PDGFRB: variants seen among roughly 807,000 people sequenced by gnomAD.
The protein encoded by PDGFRB is platelet-derived growth factor receptor beta.
PDGFRB carries 42 observed loss-of-function variants against 120.2 expected under a neutral mutation model. The observed-to-expected ratio is 0.35, with a 90% CI of 0.27 to 0.45. The LOEUF (loss-of-function observed/expected upper bound fraction) is 0.45, where lower values mean the gene tolerates loss of function less well. Ranked by LOEUF, PDGFRB falls within the 20% of genes least tolerant of loss-of-function variation. The pLI is 1.00. For synonymous variants in PDGFRB, 586 were observed against 606.8 expected (o/e 0.97, Z 0.50); for missense variants, 1,149 against 1,476.3 (o/e 0.78, Z 3.63).
chr5:150,130,652 T>C lies in PDGFRB; in HGVS notation c.1254A>G (p.Arg418=). Residue 418 remains arginine (R), a synonymous_variant, in exon 9 of 23, where the codon CGA becomes CGG. Coordinates refer to ENST00000261799, the MANE Select transcript of PDGFRB (RefSeq NM_002609.4). The stretch of plus-strand genomic sequence containing the variant: ...GGTGGCTCTCACTTAGCTCCAGCAC[T>C]CGGACAGGGACTGCATGGAGAGAGC... ...SFQLQINVPV[R]VLELSESHPD... 6.2e-7 allele frequency: 1 copy of C among 1,613,142 alleles called. No individual in the cohort carries two copies. Among genetic ancestry groups the C allele is most frequent in the Non-Finnish European group, 8.5e-7 (1 of 1,179,826 alleles).
At position 150,149,002 on chromosome 5, in the gene PDGFRB, G is replaced by T. The variant is rs3776080; in HGVS notation, c.-7+6395C>A. 1.6e-3 allele frequency among the ~76,000 whole-genome samples: 248 copies of T among 152,286 alleles called. 5 individuals carry two copies. In the East Asian group the frequency reaches 0.041, roughly 25 times the overall value. The stretch of plus-strand genomic sequence containing the variant: ...ATGGCCTGGGAAGGAGGCAGCAGGA[G>T]GCCAGGGAAGGAGGCAGGGAGACTT... On this transcript the variant is annotated intron_variant, in intron 1 of 22. Transcript: ENST00000261799.
rs779431081 is a variant in PDGFRB, at chr5:150,124,253, C to T, written c.2020G>A (p.Gly674Arg). ...TCTGGGGCAGTGGGCTCGGTACCTC[C>T]TTTGGTGCAGGCCCCCAACAGGTTG... ...VVNLLGACTK[G>R]GPIYIITEYC... The change falls in exon 14 of 23, where the codon GGA (glycine) becomes AGA (arginine). Residue 674 changes from glycine (G) to arginine (R), a missense_variant. Gly to Arg is a moderately radical substitution (Grantham distance 125, BLOSUM62 -2). Transcript: ENST00000261799. 1.2e-6 allele frequency: 2 copies of T among 1,610,954 alleles called. No homozygotes were observed. Among genetic ancestry groups the T allele is most frequent in the Non-Finnish European group, 1.7e-6 (2 of 1,177,312 alleles).
At chr5:150,152,695 C>T (rs924050828) in intron 1 of PDGFRB, among the ~76,000 whole-genome samples, 6 of 151,512 alleles carry the variant, frequency 4.0e-5, no homozygotes, top group Admixed American at 1.3e-4. Flanking sequence ...AGGATGGACA[C>T]GGATCTTTGG....
intron 1 of PDGFRB, among the ~76,000 whole-genome samples, chr5:150,143,250 T>C (rs1760829683): frequency 6.6e-6 from 1 of 152,262 alleles, no homozygotes; most frequent in Admixed American, 6.5e-5. Flanking sequence ...ACAGTTGATC[T>C]GGGGTAACTG....
At chr5:150,152,404 A>G (rs1342547995) in intron 1 of PDGFRB, among the ~76,000 whole-genome samples, 1 of 152,138 alleles carries the variant, frequency 6.6e-6, no homozygotes, top group Admixed American at 6.5e-5. Context: ...GAGGTGCTAC[A>G]AGCCCTGACC....
chr5:150,144,427 C>G (rs991751390), intron 1 of PDGFRB, among the ~76,000 whole-genome samples: 1 of 152,198 alleles, frequency 6.6e-6, no homozygotes, highest in Non-Finnish European at 1.5e-5. Flanking sequence ...ACTCGTCACT[C>G]ACTGCATGCT....
At chr5:150,122,994 G>A (rs753946328) in intron 15 of PDGFRB, 48 bp downstream of exon 15, 3 of 1,541,170 alleles carry the variant, frequency 1.9e-6, no homozygotes, top group Admixed American at 1.7e-5. Flanking sequence ...AAGGAGCGGT[G>A]CTCCTCAGGT....
intron 20 of PDGFRB, 82 bp downstream of exon 20, chr5:150,119,385 T>C: frequency 1.2e-6 from 1 of 808,166 alleles, no homozygotes; most frequent in South Asian, 1.4e-5. Flanking sequence ...AACAAATCTC[T>C]CATCTTTGGT....
chr5:150,117,495 C>A, intron 22 of PDGFRB, 123 bp downstream of exon 22: 2 of 618,720 alleles, frequency 3.2e-6, no homozygotes, highest in Non-Finnish European at 5.8e-6. Flanking sequence ...AAGTACTTAC[C>A]CTACGTAACT....
At position 150,124,877 on chromosome 5, in the gene PDGFRB, C is replaced by T. The variant is rs1442908716; in HGVS notation, c.1808-46G>A. The T allele has an allele frequency of 1.5e-5, 14 of 939,158 alleles. No homozygotes were observed. The South Asian group carries it at 2.0e-4, about 13-fold the overall frequency. 58.2% of individuals were successfully genotyped at this position (939,158 alleles called of 1,614,324 possible). Reference sequence around the variant, plus strand: ...TAGCTCCTGGCCTACCAGGAAGCTGCACCGCTCCCCCAGCTGCCCCCCTCC... The same window carrying T: ...TAGCTCCTGGCCTACCAGGAAGCTGTACCGCTCCCCCAGCTGCCCCCCTCC... On this transcript the variant is annotated intron_variant, in intron 12 of 22. Coordinates refer to ENST00000261799, the MANE Select transcript of PDGFRB (RefSeq NM_002609.4).
rs1760279169 is a variant in PDGFRB at position 150,125,837 on chromosome 5, G to A, written c.1675-260C>T. 5.9e-5 allele frequency among the ~76,000 whole-genome samples: 9 copies of A among 152,334 alleles called. No homozygotes were observed. The South Asian group carries it at 1.7e-3, about 28-fold the overall frequency. ...ACTGGCAGCTGAGGGCCTGGCTCATGAGAACCTCCTCTCTAGCTTCTCTCC... is the reference window on the plus strand; with the variant it reads ...ACTGGCAGCTGAGGGCCTGGCTCATAAGAACCTCCTCTCTAGCTTCTCTCC... On this transcript the variant is annotated intron_variant, in intron 11 of 22. Transcript: ENST00000261799.
chr5:150,122,275 T>A (rs1269454456), intron 15 of PDGFRB: 2 of 510,196 alleles, frequency 3.9e-6, no homozygotes, highest in Non-Finnish European at 7.1e-6. Context: ...CCAGAGGCGA[T>A]TACAGCACCC....
intron 20 of PDGFRB, 71 bp from the exon 21 acceptor site, chr5:150,118,923 G>A (rs755384587): frequency 4.5e-6 from 4 of 887,470 alleles, no homozygotes; most frequent in Non-Finnish European, 5.5e-6. Flanking sequence ...GGGGGAGCAG[G>A]AGGCTGCTGC....
At chr5:150,154,803 G>A (rs756292767) in intron 1 of PDGFRB, among the ~76,000 whole-genome samples, 1 of 152,196 alleles carries the variant, frequency 6.6e-6, no homozygotes, top group Non-Finnish European at 1.5e-5. Context: ...ACCGCTAGGG[G>A]GTTGCCATGG....
Position 150,132,097 on chromosome 5 carries a change from G to C in PDGFRB, c.1128-3C>G. On this transcript the variant is annotated splice_region_variant and splice_polypyrimidine_tract_variant and intron_variant, in intron 7 of 22. Transcript: ENST00000261799. This position sits in a 1 kb window ranked among gnomAD's most constrained non-coding sequence, Gnocchi z 5.0. ...CCAGTGTCAGCTCTGACACATACCT[G>C]GGGAGCAGGAAAGGCAGCTGTCAGA... 6.5e-7 allele frequency: 1 copy of C among 1,532,038 alleles called. No homozygotes were observed. The highest frequency in any genetic ancestry group is 9.0e-7 in the Non-Finnish European group (1 of 1,105,554). 94.9% of individuals were successfully genotyped at this position (1,532,038 alleles called of 1,614,324 possible).
At chr5:150,152,383 G>A (rs919695797) in intron 1 of PDGFRB, among the ~76,000 whole-genome samples, 13 of 152,190 alleles carry the variant, frequency 8.5e-5, no homozygotes, top group African/African-American at 2.9e-4. Context: ...TGCTCACACT[G>A]CTTCCCAGCT....
In PDGFRB at chr5:150,121,840, C is replaced by A; in HGVS notation, c.2344+40G>T. 6.7e-7 allele frequency: 1 copy of A among 1,496,406 alleles called. No individual in the cohort carries two copies. Among genetic ancestry groups the A allele is most frequent in the Admixed American group, 1.7e-5 (1 of 59,782 alleles). The allele number at this position is 1,496,406 out of a possible 1,614,324, so 92.7% of individuals were successfully genotyped here. ...GGCTGGGCATGTGAAGAGCATCAGC[C>A]TGTTTGGATGTGGGGTACTATGTCA... On this transcript the variant is annotated intron_variant, in intron 16 of 22. Coordinates refer to ENST00000261799, the MANE Select transcript of PDGFRB (RefSeq NM_002609.4). The surrounding 1 kb of genome is among the most constrained non-coding windows in gnomAD (Gnocchi z 4.1).
chr5:150,139,121 A>G (rs1045254974), intron 1 of PDGFRB, among the ~76,000 whole-genome samples: 1 of 151,894 alleles, frequency 6.6e-6, no homozygotes, highest in Non-Finnish European at 1.5e-5. Flanking sequence ...TGGCTTAGAG[A>G]CTCTGAGCTA....
chr5:150,139,405 G>A (rs1412827499), intron 1 of PDGFRB, among the ~76,000 whole-genome samples: 3 of 152,104 alleles, frequency 2.0e-5, no homozygotes, highest in African/African-American at 7.2e-5. Context: ...AGAGAGGTTG[G>A]CAGGTGTCAT....
Sources: allele counts gnomAD v4.1 joint callset (sites outside exome capture counted in the v4.1 genomes callset), GRCh38; gene constraint gnomAD v4.1.1; non-coding constraint Gnocchi (gnomAD v3.1); transcripts MANE v1.5; gene names NCBI Gene and HGNC (gene_info 2026-07-23, HGNC 2026-07-21).